Variants in ARHGAP32 observed in about 807,000 individuals in gnomAD.
ARHGAP32 encodes Rho GTPase activating protein 32.
A neutral mutation model predicts 186.5 loss-of-function variants in ARHGAP32; 51 were observed. The observed-to-expected ratio is 0.27, with a 90% confidence interval of 0.22 to 0.35. The LOEUF (loss-of-function observed/expected upper bound fraction) is 0.35, where lower values mean the gene tolerates loss of function less well. Among genes scored for constraint, ARHGAP32 ranks in the 10% least tolerant of loss-of-function variants. The pLI, the probability that ARHGAP32 is intolerant of heterozygous loss-of-function variation, is 1.00. For synonymous variants in ARHGAP32, 950 were observed against 964.3 expected, an observed-to-expected ratio of 0.99 and a Z score of 0.27; for missense variants, 2,186 against 2,623.5, an observed-to-expected ratio of 0.83 and a Z score of 3.64.
At position 128,975,946 on chromosome 11, in the gene ARHGAP32, C is replaced by T. The variant is rs899131325; in HGVS notation, c.2194+617G>A. On this transcript the variant is annotated intron_variant, in intron 20 of 22. Coordinates refer to ENST00000682385, the MANE Select transcript of ARHGAP32 (RefSeq NM_001378024.1). ...AAAATTATGCTCCCGGGCATGGTGGCGCATGCCTGTAGTCCCAGCTATTTG... is the reference window on the plus strand; with the variant it reads ...AAAATTATGCTCCCGGGCATGGTGGTGCATGCCTGTAGTCCCAGCTATTTG... Among the ~76,000 whole-genome samples the T allele has an allele frequency of 2.6e-5, 4 of 152,060 alleles. No individual in the cohort carries two copies. In the South Asian group the frequency reaches 6.2e-4, roughly 24 times the overall value.
intron 11 of ARHGAP32, among the ~76,000 whole-genome samples, chr11:129,023,070 G>GA (rs551737141): frequency 1.3e-5 from 2 of 151,888 alleles, no homozygotes; most frequent in African/African-American, 4.8e-5. Flanking sequence ...ATCCTGGAAA[G>GA]AAAAATGTTC....
intron 11 of ARHGAP32, among the ~76,000 whole-genome samples, chr11:129,025,184 T>C (rs969457220): frequency 1.3e-5 from 2 of 152,166 alleles, no homozygotes; most frequent in African/African-American, 2.4e-5. Flanking sequence ...TCTCATCTTA[T>C]AGATGAGGAG....
At chr11:129,094,988 T>C (rs1403264423) in intron 5 of ARHGAP32, among the ~76,000 whole-genome samples, 1 of 152,196 alleles carries the variant, frequency 6.6e-6, no homozygotes, top group Non-Finnish European at 1.5e-5. Context: ...TTATAATTCA[T>C]ACTATATGAA....
chr11:129,266,610 G>A (rs1049535797), intron 1 of ARHGAP32, among the ~76,000 whole-genome samples: 1 of 152,198 alleles, frequency 6.6e-6, no homozygotes, highest in African/African-American at 2.4e-5. Context: ...CACCATAAGA[G>A]AGATTGTACC....
At chr11:129,129,267 C>T (rs1265992572) in intron 2 of ARHGAP32, among the ~76,000 whole-genome samples, 1 of 142,984 alleles carries the variant, frequency 7.0e-6, no homozygotes, top group African/African-American at 2.5e-5. Flanking sequence ...GCCCCTCCAC[C>T]CGGCAGCTGC....
intron 13 of ARHGAP32, 33 bp from the exon 14 acceptor site, chr11:128,986,701 T>G: frequency 6.2e-7 from 1 of 1,608,324 alleles, no homozygotes. Context: ...AGCAAATCAT[T>G]TGATTGAGGA....
chr11:129,115,487 T>C (rs1353673316), intron 5 of ARHGAP32, among the ~76,000 whole-genome samples: 1 of 152,126 alleles, frequency 6.6e-6, no homozygotes, highest in Non-Finnish European at 1.5e-5. Context: ...AAGTAACCGA[T>C]GTGCTCATCT....
Position 128,972,571 on chromosome 11 carries a change from C to A in ARHGAP32, c.3935G>T (p.Arg1312Leu). Residue 1312 changes from arginine (R) to leucine (L), a missense_variant, in exon 22 of 23, where the codon CGC becomes CTC. By Grantham distance (102) the Arg-to-Leu change is moderately radical. Coordinates refer to ENST00000682385, the MANE Select transcript of ARHGAP32 (RefSeq NM_001378024.1). ...AAGGGGACGATTAGTTCTGTGCGTG[C>A]GCTGAAGTGTGGCAGCAGCAAAATC... is the stretch of plus-strand genomic sequence containing the variant. ...TADFAAATLQ[R>L]THRTNRPLPP... The A allele has an allele frequency of 1.9e-6, 3 of 1,597,182 alleles. No homozygotes were observed. The highest frequency in any genetic ancestry group is 2.6e-6 in the Non-Finnish European group (3 of 1,170,798).
At chr11:128,991,536 A>G (rs1946051189) in intron 12 of ARHGAP32, among the ~76,000 whole-genome samples, 1 of 152,130 alleles carries the variant, frequency 6.6e-6, no homozygotes, top group Non-Finnish European at 1.5e-5. Context: ...ATTTTGTAAA[A>G]AAAATCCTAG....
chr11:129,206,845 G>A (rs771187981), intron 1 of ARHGAP32, among the ~76,000 whole-genome samples: 13 of 151,748 alleles, frequency 8.6e-5, no homozygotes, highest in Middle Eastern at 3.4e-3. Context: ...ATGGTGGTTT[G>A]CTGCACCCAC....
At chr11:129,047,006 T>C (rs1227450675) in intron 10 of ARHGAP32, among the ~76,000 whole-genome samples, 1 of 151,882 alleles carries the variant, frequency 6.6e-6, no homozygotes, top group Non-Finnish European at 1.5e-5. Context: ...CAGGTGCCTG[T>C]AGTCCCAGCT....
intron 6 of ARHGAP32, among the ~76,000 whole-genome samples, chr11:129,076,527 T>A (rs1379057323): frequency 6.6e-6 from 1 of 152,066 alleles, no homozygotes; most frequent in Admixed American, 6.5e-5. Flanking sequence ...GAAAAAATAG[T>A]TGAAAAATAC....
At chr11:129,148,460 C>T (rs578028753) in intron 2 of ARHGAP32, among the ~76,000 whole-genome samples, 12 of 152,302 alleles carry the variant, frequency 7.9e-5, no homozygotes, top group Admixed American at 2.0e-4. Context: ...CTTGCATGTA[C>T]TCCCAGTCTC....
chr11:128,970,958 G>C lies in ARHGAP32; in HGVS notation c.4255C>G (p.His1419Asp). ...LHLRAESVPAHPCGFPAPLPP... is the reference protein window; with the variant it reads ...LHLRAESVPADPCGFPAPLPP... ...AGTGGTGCAGGAAAGCCACAGGGAT[G>C]CGCAGGGACAGACTCGGCGCGCAGG... The change falls in exon 23 of 23, where the codon CAT (histidine) becomes GAT (aspartate). Residue 1419 changes from histidine (H) to aspartate (D), a missense_variant. Physicochemically the swap from His to Asp is moderately conservative, Grantham distance 81. This residue lies in a region of ARHGAP32 where 1,502 missense variants were observed against 1,570.0 expected (regional missense o/e 0.96). Coordinates refer to ENST00000682385, the MANE Select transcript of ARHGAP32 (RefSeq NM_001378024.1). This position sits in a 1 kb window ranked among gnomAD's most constrained non-coding sequence, Gnocchi z 5.8. The C allele has an allele frequency of 6.2e-7, 1 of 1,614,004 alleles. No homozygotes were observed. Among genetic ancestry groups the C allele is most frequent in the Non-Finnish European group, 8.5e-7 (1 of 1,180,006 alleles).
chr11:128,994,667 A>G (rs754169691), intron 12 of ARHGAP32, among the ~76,000 whole-genome samples: 1 of 152,164 alleles, frequency 6.6e-6, no homozygotes, highest in Non-Finnish European at 1.5e-5. Flanking sequence ...TCACATATTC[A>G]TTAAATCAAA....
At chr11:129,230,839 A>G (rs1223892873) in intron 1 of ARHGAP32, among the ~76,000 whole-genome samples, 2 of 152,262 alleles carry the variant, frequency 1.3e-5, no homozygotes, top group African/African-American at 2.4e-5. Context: ...CCAATACCAT[A>G]AAGTAATCAT....
chr11:129,057,312 T>C lies in ARHGAP32; in HGVS notation c.963+4968A>G, dbSNP rs56243351. Among the ~76,000 whole-genome samples the C allele has an allele frequency of 8.9e-3, 1,350 of 152,202 alleles. 19 individuals are homozygous for C. Among genetic ancestry groups the C allele is most frequent in the African/African-American group, 0.031 (1,266 of 41,498 alleles). ...GGAGAGTACTGAGGTCTGCTAGTCCTCCATGTCCTGCCTGCCTTGAGCCTG... is the reference window on the plus strand; with the variant it reads ...GGAGAGTACTGAGGTCTGCTAGTCCCCCATGTCCTGCCTGCCTTGAGCCTG... On this transcript the variant is annotated intron_variant, in intron 10 of 22. Coordinates refer to ENST00000682385, the MANE Select transcript of ARHGAP32 (RefSeq NM_001378024.1).
chr11:129,040,790 C>A, intron 11 of ARHGAP32, 138 bp downstream of exon 11: 1 of 595,538 alleles, frequency 1.7e-6, no homozygotes, highest in Non-Finnish European at 2.9e-6. Context: ...AAAATCAAAA[C>A]CATATAAAAT....
At chr11:129,107,333 T>C (rs1047944480) in intron 5 of ARHGAP32, among the ~76,000 whole-genome samples, 7 of 152,114 alleles carry the variant, frequency 4.6e-5, no homozygotes, top group African/African-American at 1.7e-4. Flanking sequence ...GTTCTTAACA[T>C]TGATATAAAA....
Sources: allele counts gnomAD v4.1 joint callset (sites outside exome capture counted in the v4.1 genomes callset), GRCh38; gene constraint gnomAD v4.1.1; regional missense constraint gnomAD v4.1.1; non-coding constraint Gnocchi (gnomAD v3.1); transcripts MANE v1.5; gene names NCBI Gene and HGNC (gene_info 2026-07-23, HGNC 2026-07-21).